EPB41L1: variants seen among roughly 807,000 people sequenced by gnomAD.
EPB41L1 encodes the protein band 4.1-like protein 1.
Under a neutral mutation model 97.8 loss-of-function variants are expected in EPB41L1, and 29 were observed. That is an observed-to-expected ratio of 0.30 (90% CI 0.22 to 0.40). The LOEUF (loss-of-function observed/expected upper bound fraction) is 0.40, where lower values mean the gene tolerates loss of function less well. EPB41L1 is among the 10% of genes least tolerant of loss of function. EPB41L1 has a pLI of 1.00. For synonymous variants in EPB41L1, 383 were observed against 459.2 expected (o/e 0.83, Z 2.12); for missense variants, 812 against 1,162.3 (o/e 0.70, Z 4.38).
rs1488159042 is a variant in EPB41L1, at chr20:36,206,542, C to A, written c.1669-2946C>A. On this transcript the variant is annotated intron_variant, in intron 14 of 21. Transcript: ENST00000338074. The surrounding 1 kb of genome is among the most constrained non-coding windows in gnomAD (Gnocchi z 5.5). Reference sequence around the variant, plus strand: ...TCCACCCCTGGAGGAGAGAAAAGGGCGCCTGGATGCCCCTCCCGGAGGTGA... The same window carrying A: ...TCCACCCCTGGAGGAGAGAAAAGGGAGCCTGGATGCCCCTCCCGGAGGTGA... 1.6e-6 allele frequency: 2 copies of A among 1,289,810 alleles called. No homozygotes were observed. Among genetic ancestry groups the A allele is most frequent in the East Asian group, 5.6e-5 (1 of 18,016 alleles). 79.9% of individuals were successfully genotyped at this position (1,289,810 alleles called of 1,614,324 possible). A position where few individuals can be genotyped will look rare whatever the true frequency, so the allele number is the denominator to read the frequency against.
At chr20:36,151,408 C>T (rs1253954829), upstream of EPB41L1, 1 of 152,188 alleles carries the variant, frequency 6.6e-6, no homozygotes, top group Non-Finnish European at 1.5e-5. Flanking sequence ...AAAATTGAGG[C>T]TCAGAGATGT....
chr20:36,200,994 T>G (rs2146602091), intron 14 of EPB41L1: 1 of 456,968 alleles, frequency 2.2e-6, no homozygotes, highest in East Asian at 7.0e-5. Context: ...GTCTTCACCT[T>G]CCTGTGCCCC....
intron 1 of EPB41L1, among the ~76,000 whole-genome samples, chr20:36,168,257 T>TC (rs777481748): frequency 6.6e-6 from 1 of 152,170 alleles, no homozygotes; most frequent in African/African-American, 2.4e-5. Context: ...TGGGTCCCTT[T>TC]CCCCCAGACA....
intron 1 of EPB41L1, among the ~76,000 whole-genome samples, chr20:36,161,450 AT>A (rs2060519602): frequency 6.6e-6 from 1 of 151,164 alleles, no homozygotes; most frequent in Non-Finnish European, 1.5e-5. Flanking sequence ...TATTCTTCTT[AT>A]TTTTTTGTTT....
At chr20:36,153,963 G>A (rs1200451020), upstream of EPB41L1, among the ~76,000 whole-genome samples, 1 of 152,142 alleles carries the variant, frequency 6.6e-6, no homozygotes, top group Admixed American at 6.5e-5. Flanking sequence ...CTGGAGCTCA[G>A]GTGCACACTC....
rs185207818 is a variant in EPB41L1 at position 36,125,168 on chromosome 20, G to A, written c.-10+12688G>A. Among the ~76,000 whole-genome samples the A allele has an allele frequency of 2.6e-5, 4 of 152,286 alleles. No homozygotes were observed. In the East Asian group the frequency reaches 5.8e-4, roughly 22 times the overall value. Reference sequence around the variant, plus strand: ...AGGGTTGGGGACAAACCCAGAGAGAGACAGGCTGGGAACCTTTCTGGTGTC... The same window carrying A: ...AGGGTTGGGGACAAACCCAGAGAGAAACAGGCTGGGAACCTTTCTGGTGTC... On this transcript the variant is annotated intron_variant, in intron 2 of 19. Coordinates refer to the EPB41L1 transcript ENST00000202028.
chr20:36,232,534 C>A lies in EPB41L1; in HGVS notation c.*3194C>A. On this transcript the variant is annotated 3_prime_UTR_variant, in exon 22 of 22. Transcript: ENST00000338074. ...TTTCCATCTGAGGGTACAGGAAGTA[C>A]CAGGACCTGTTTCAGTTTTTGAATC... is the stretch of plus-strand genomic sequence containing the variant. The A allele has an allele frequency of 5.0e-6, 2 of 398,740 alleles. No individual in the cohort carries two copies. Among genetic ancestry groups the A allele is most frequent in the Non-Finnish European group, 8.8e-6 (2 of 226,054 alleles). The allele number at this position is 398,740 out of a possible 1,614,324, so 24.7% of individuals were successfully genotyped here. A position where few individuals can be genotyped will look rare whatever the true frequency, so the allele number is the denominator to read the frequency against.
At chr20:36,214,532 G>A (rs2063328361) in intron 17 of EPB41L1, 92 bp downstream of exon 17, 1 of 1,060,524 alleles carries the variant, frequency 9.4e-7, no homozygotes, top group Non-Finnish European at 1.4e-6. Context: ...GCTGCTTCAG[G>A]AAGTTGTGAG....
At chr20:36,228,609 AC>A (rs1209430246) in intron 21 of EPB41L1, among the ~76,000 whole-genome samples, 2 of 152,090 alleles carry the variant, frequency 1.3e-5, no homozygotes, top group Non-Finnish European at 2.9e-5. Flanking sequence ...AAGTTAAGAA[AC>A]TCACCCAAGA....
chr20:36,226,777 G>T (rs1295377931), intron 21 of EPB41L1, among the ~76,000 whole-genome samples: 1 of 152,146 alleles, frequency 6.6e-6, no homozygotes, highest in Non-Finnish European at 1.5e-5. Context: ...TCATAACACT[G>T]TATTGTTTAG....
In EPB41L1 at chr20:36,206,087, G is replaced by T. The variant is rs904564006; in HGVS notation, c.1669-3401G>T. Reference sequence around the variant, plus strand: ...CAGCAACAAGGAAAAATGATTGCAAGTCCTGAAGACTTTGAGTCAGTGGGG... The same window carrying T: ...CAGCAACAAGGAAAAATGATTGCAATTCCTGAAGACTTTGAGTCAGTGGGG... On this transcript the variant is annotated intron_variant, in intron 14 of 21. Transcript: ENST00000338074. The surrounding 1 kb of genome is among the most constrained non-coding windows in gnomAD (Gnocchi z 5.5). 11 of 1,289,776 alleles carry T rather than the reference G, an allele frequency of 8.5e-6. No individual in the cohort carries two copies. The African/African-American group carries it at 1.7e-4, about 20-fold the overall frequency. 79.9% of individuals were successfully genotyped at this position (1,289,776 alleles called of 1,614,324 possible).
intron 5 of EPB41L1, 59 bp downstream of exon 5, chr20:36,178,731 GC>G: frequency 6.4e-7 from 1 of 1,558,666 alleles, no homozygotes; most frequent in Admixed American, 1.7e-5. Flanking sequence ...GGCCATGAGA[GC>G]CCCCCTTGTA....
intron 16 of EPB41L1, 85 bp from the exon 17 acceptor site, chr20:36,214,272 G>T: frequency 9.4e-7 from 1 of 1,063,674 alleles, no homozygotes; most frequent in Middle Eastern, 2.0e-4. Flanking sequence ...CTGTCACTTT[G>T]TAACTGGGAG....
At chr20:36,205,724 A>G in intron 14 of EPB41L1, 2 of 959,050 alleles carry the variant, frequency 2.1e-6, no homozygotes, top group Non-Finnish European at 2.7e-6. Flanking sequence ...AGTTCTGGGG[A>G]TGTGCTGTCC....
intron 2 of EPB41L1, among the ~76,000 whole-genome samples, chr20:36,128,664 A>G (rs555764958): frequency 1.1e-4 from 17 of 152,234 alleles, no homozygotes; most frequent in African/African-American, 2.9e-4. Flanking sequence ...AGCAATGTCA[A>G]TTTCTTAGCA....
At chr20:36,119,936 A>G (rs2058700263) in intron 2 of EPB41L1, among the ~76,000 whole-genome samples, 1 of 152,056 alleles carries the variant, frequency 6.6e-6, no homozygotes, top group Admixed American at 6.5e-5. Context: ...CGCTGGTCAC[A>G]CGGTGAGCCT....
intron 2 of EPB41L1, among the ~76,000 whole-genome samples, chr20:36,148,017 G>C (rs1212978621): frequency 6.6e-6 from 1 of 152,140 alleles, no homozygotes; most frequent in Admixed American, 6.5e-5. Context: ...ACATAGCCGA[G>C]GTGGAGATAA....
At chr20:36,174,899 T>C (rs897387495) in intron 2 of EPB41L1, among the ~76,000 whole-genome samples, 1 of 152,162 alleles carries the variant, frequency 6.6e-6, no homozygotes, top group African/African-American at 2.4e-5. Flanking sequence ...GTTCTTTCCA[T>C]TTATTTTCCT....
At chr20:36,182,435 G>A in intron 6 of EPB41L1, 88 bp downstream of exon 6, 1 of 1,430,230 alleles carries the variant, frequency 7.0e-7, no homozygotes. Context: ...GGCAGTATGT[G>A]ACAGCAGCTG....
Sources: gnomAD v4.1 joint callset for allele counts (sites outside exome capture counted in the v4.1 genomes callset) on GRCh38, gnomAD v4.1.1 for gene constraint, Gnocchi (gnomAD v3.1) non-coding constraint, MANE v1.5 for transcripts, NCBI Gene and HGNC (gene_info 2026-07-23, HGNC 2026-07-21) for gene names.